The following TRIM6 variants were observed in gnomAD, a reference collection of about 807,000 sequenced individuals.
TRIM6 encodes tripartite motif-containing protein 6.
Under a neutral mutation model 51.2 loss-of-function variants are expected in TRIM6, and 43 were observed. That is an observed-to-expected ratio of 0.84 (90% CI 0.66 to 1.08). The LOEUF (loss-of-function observed/expected upper bound fraction) is 1.08, where lower values mean the gene tolerates loss of function less well. TRIM6 is among the 50% of genes least tolerant of loss of function. The pLI, the probability that TRIM6 is intolerant of heterozygous loss-of-function variation, is 0.00. For missense variants in TRIM6, 669 were observed against 619.0 expected (o/e 1.08, Z -0.86); for synonymous variants, 215 against 232.4 (o/e 0.93, Z 0.68).
At position 5,610,922 on chromosome 11, in the gene TRIM6, C is replaced by G. The variant is rs1470923160; in HGVS notation, c.1131C>G (p.His377Gln). 3 of 1,614,204 alleles carry G rather than the reference C, an allele frequency of 1.9e-6. No homozygotes were observed. The highest frequency in any genetic ancestry group is 2.5e-6 in the Non-Finnish European group (3 of 1,180,040). The change falls in exon 8 of 8, where the codon CAC becomes CAG. Residue 377 changes from histidine to glutamine, a missense_variant. Physicochemically the swap from His to Gln is conservative, Grantham distance 24 (BLOSUM62 0). Coordinates refer to ENST00000380097, the MANE Select transcript of TRIM6 (RefSeq NM_001003818.3). ...HYDCSVLGSQ[H>Q]FSSGKHYWEV... ...ACTGTAGTGTCCTGGGCTCCCAGCA[C>G]TTCTCCTCTGGTAAGCATTACTGGG...
In TRIM6 at chr11:5,610,844, G is replaced by C; in HGVS notation, c.1053G>C (p.Val351=). The C allele has an allele frequency of 6.2e-7, 1 of 1,614,200 alleles. No homozygotes were observed. The highest frequency in any genetic ancestry group is 1.1e-5 in the South Asian group (1 of 91,080). ...TCCTGGCTAAAAACCGGAGACAAGT[G>C]AGGTTTGTGGGAGCTAAAGTATCTG... ...NLVLAKNRRQ[V]RFVGAKVSGP... Residue 351 remains valine, a synonymous_variant, in exon 8 of 8, where the codon GTG becomes GTC. Transcript: ENST00000380097.
At chr11:5,608,489 G>A in intron 5 of TRIM6, 95 bp downstream of exon 5, 1 of 1,568,846 alleles carries the variant, frequency 6.4e-7, no homozygotes, top group Non-Finnish European at 8.7e-7. Flanking sequence ...TCAGAGTGGG[G>A]AAGATTCAAG....
At position 5,603,401 on chromosome 11, in the gene TRIM6, G is replaced by A. The variant is rs750531134; in HGVS notation, c.173G>A (p.Cys58Tyr). The A allele has an allele frequency of 9.9e-6, 16 of 1,613,328 alleles. No individual in the cohort carries two copies. The highest frequency in any genetic ancestry group is 1.7e-5 in the Admixed American group (1 of 59,986). The change falls in exon 2 of 8, where the codon TGT (cysteine) becomes TAT (tyrosine). Residue 58 changes from cysteine (C) to tyrosine (Y), a missense_variant. Transcript: ENST00000380097. Reference sequence around the variant, plus strand: ...CTAACAGAACCCCTGAGCATAGACTGTGGCCACAGCTTCTGCCAAGCCTGC... The same window carrying A: ...CTAACAGAACCCCTGAGCATAGACTATGGCCACAGCTTCTGCCAAGCCTGC... ...ELLTEPLSID[C>Y]GHSFCQACIT...
At chr11:5,601,172 T>C (rs1847820078) in intron 1 of TRIM6, among the ~76,000 whole-genome samples, 2 of 152,200 alleles carry the variant, frequency 1.3e-5, no homozygotes, top group African/African-American at 2.4e-5. Context: ...CTCATTTCCA[T>C]ACTTCGAAAG....
chr11:5,599,428 G>T (rs1847691494), intron 1 of TRIM6, among the ~76,000 whole-genome samples: 1 of 119,988 alleles, frequency 8.3e-6, no homozygotes, highest in Non-Finnish European at 1.8e-5. Context: ...TTTTGAGACG[G>T]AGTCTCGCTC....
intron 1 of TRIM6, among the ~76,000 whole-genome samples, chr11:5,597,926 T>TATTG (rs5789414): frequency 2.6e-5 from 4 of 151,564 alleles, no homozygotes; most frequent in Non-Finnish European, 4.4e-5. Flanking sequence ...AGAACTTTAA[T>TATTG]ATTAAAGTGC....
rs1848534430 is a variant in TRIM6 at position 5,610,832 on chromosome 11, C to A, written c.1041C>A (p.Asn347Lys). The A allele has an allele frequency of 2.5e-6, 4 of 1,614,062 alleles. No individual in the cohort carries two copies. The highest frequency in any genetic ancestry group is 3.4e-6 in the Non-Finnish European group (4 of 1,180,050). ...ATTTAAATCTTGTCCTGGCTAAAAA[C>A]CGGAGACAAGTGAGGTTTGTGGGAG... The part of the protein sequence containing the change: ...TANLNLVLAK[N>K]RRQVRFVGAK... Residue 347 changes from asparagine to lysine, a missense_variant, in exon 8 of 8, where the codon AAC (asparagine) becomes AAA (lysine). By Grantham distance (94) the Asn-to-Lys change is moderately conservative. Coordinates refer to ENST00000380097, the MANE Select transcript of TRIM6 (RefSeq NM_001003818.3).
chr11:5,609,784 G>A (rs954111136), intron 5 of TRIM6, among the ~76,000 whole-genome samples: 8 of 152,248 alleles, frequency 5.3e-5, no homozygotes, highest in African/African-American at 1.4e-4. Context: ...TTAGCCAGGC[G>A]TGGTGGCACG....
intron 1 of TRIM6, among the ~76,000 whole-genome samples, chr11:5,598,130 A>C (rs764149079): frequency 2.6e-5 from 4 of 151,996 alleles, no homozygotes; most frequent in Non-Finnish European, 5.9e-5. Context: ...TCTCGTCTGC[A>C]CTCCTCACAG....
chr11:5,600,119 A>T (rs1847747175), intron 1 of TRIM6, among the ~76,000 whole-genome samples: 2 of 152,184 alleles, frequency 1.3e-5, no homozygotes, highest in African/African-American at 2.4e-5. Context: ...AGAGTTCATT[A>T]ATTTGTTAAT....
chr11:5,597,825 T>C (rs747015017), intron 1 of TRIM6, among the ~76,000 whole-genome samples: 30 of 152,176 alleles, frequency 2.0e-4, no homozygotes, highest in Non-Finnish European at 4.0e-4. Context: ...CTTCTAGCTG[T>C]TTTGCACCCT....
chr11:5,605,336 G>T lies in TRIM6; in HGVS notation c.604-1G>T, dbSNP rs1279078305. The T allele has an allele frequency of 6.2e-7, 1 of 1,613,936 alleles. No individual in the cohort carries two copies. Among genetic ancestry groups the T allele is most frequent in the Non-Finnish European group, 8.5e-7 (1 of 1,180,024 alleles). The stretch of plus-strand genomic sequence containing the variant: ...CCTCTTTTTCTTCCCTGTTCCTGAA[G>T]AATCAGATGGAGCCTGAGAGATGCA... On this transcript the variant is annotated splice_acceptor_variant, in intron 3 of 7. Coordinates refer to ENST00000380097, the MANE Select transcript of TRIM6 (RefSeq NM_001003818.3). LOFTEE classifies it high-confidence loss of function.
intron 1 of TRIM6, among the ~76,000 whole-genome samples, chr11:5,597,539 TA>T (rs938309131): frequency 1.8e-4 from 28 of 151,448 alleles, no homozygotes; most frequent in Admixed American, 4.0e-4. Flanking sequence ...TACACAAAGA[TA>T]AAAAAAAATG....
At position 5,604,563 on chromosome 11, in the gene TRIM6, GA is replaced by G. The variant is rs1564865943; in HGVS notation, c.539del (p.Lys180ArgfsTer10). On this transcript the variant is annotated frameshift_variant, in exon 3 of 8. Transcript: ENST00000380097. LOFTEE classifies it high-confidence loss of function. ...AGTTTCAGGAGTCTCTAAAGAAGCTGAAGAACGAGGAGCAGGAAGCTGAGAA... is the reference window on the plus strand; with the variant it reads ...AGTTTCAGGAGTCTCTAAAGAAGCTGAGAACGAGGAGCAGGAAGCTGAGAA... ...EKFQESLKKL[K>X]NEEQEAEKLT... The G allele has an allele frequency of 6.2e-7, 1 of 1,613,220 alleles. No homozygotes were observed. The highest frequency in any genetic ancestry group is 1.1e-5 in the South Asian group (1 of 90,726).
At position 5,610,822 on chromosome 11, in the gene TRIM6, T is replaced by C. The variant is rs760246791; in HGVS notation, c.1031T>C (p.Leu344Pro). 1.2e-6 allele frequency: 2 copies of C among 1,614,226 alleles called. No homozygotes were observed. The change falls in exon 8 of 8, where the codon CTG becomes CCG. Residue 344 changes from leucine to proline, a missense_variant. Transcript: ENST00000380097. ...NPHTANLNLV[L>P]AKNRRQVRFV... The stretch of plus-strand genomic sequence containing the variant: ...CACACAGCTAATTTAAATCTTGTCC[T>C]GGCTAAAAACCGGAGACAAGTGAGG...
At chr11:5,608,825 C>T (rs1848382644) in intron 5 of TRIM6, among the ~76,000 whole-genome samples, 1 of 141,692 alleles carries the variant, frequency 7.1e-6, no homozygotes, top group Non-Finnish European at 1.5e-5. Flanking sequence ...TCAAAATACA[C>T]AGGAATTTTC....
intron 2 of TRIM6, among the ~76,000 whole-genome samples, 192 bp downstream of exon 2, chr11:5,603,927 TG>T (rs1221851790): frequency 2.6e-5 from 4 of 151,982 alleles, no homozygotes; most frequent in African/African-American, 9.7e-5. Context: ...TAGAGCTGCT[TG>T]GGGTAAAAGG....
Position 5,603,235 on chromosome 11 carries a change from C to A in TRIM6, c.18-11C>A. On this transcript the variant is annotated splice_polypyrimidine_tract_variant and intron_variant, in intron 1 of 7. Transcript: ENST00000380097. The stretch of plus-strand genomic sequence containing the variant: ...TACCCTGATCCTTTTTTTGTTTGTT[C>A]ATCTACCTAGGATTCTACAGGCAGG... The A allele has an allele frequency of 6.3e-7, 1 of 1,599,236 alleles. No homozygotes were observed. The highest frequency in any genetic ancestry group is 1.1e-5 in the South Asian group (1 of 89,458).
intron 1 of TRIM6, 23 bp downstream of exon 1, chr11:5,596,937 T>C: frequency 6.2e-7 from 1 of 1,614,106 alleles, no homozygotes; most frequent in Non-Finnish European, 8.5e-7. Context: ...TTCTGTTGAC[T>C]GGCTCTTATT....
Sources: gnomAD v4.1 joint callset for allele counts (sites outside exome capture counted in the v4.1 genomes callset) on GRCh38, gnomAD v4.1.1 for gene constraint, MANE v1.5 for transcripts, NCBI Gene and HGNC (gene_info 2026-07-23, HGNC 2026-07-21) for gene names.